CTNND2: variants seen among roughly 807,000 people sequenced by gnomAD.
CTNND2 encodes the protein catenin delta-2.
A neutral mutation model predicts 144.4 loss-of-function variants in CTNND2; 22 were observed. That is an observed-to-expected ratio of 0.15 (90% CI 0.11 to 0.22). CTNND2 has a LOEUF of 0.22. Among genes scored for constraint, CTNND2 ranks in the 10% least tolerant of loss-of-function variants. The probability of loss-of-function intolerance (pLI) is 1.00; values close to 1 mark genes in which losing one functional copy is unlikely to be tolerated. For missense variants in CTNND2, 1,353 were observed against 1,618.8 expected (o/e 0.84, Z 2.82); for synonymous variants, 751 against 695.6 (o/e 1.08, Z -1.25).
chr5:11,296,094 A>G (rs199850241), intron 9 of CTNND2, among the ~76,000 whole-genome samples: 11 of 130,948 alleles, frequency 8.4e-5, no homozygotes, highest in Admixed American at 5.3e-4. Context: ...TCTGACAAGT[A>G]CTAATATCCA....
chr5:11,818,095 G>C (rs1381426389), intron 1 of CTNND2, among the ~76,000 whole-genome samples: 1 of 141,910 alleles, frequency 7.0e-6, no homozygotes, highest in African/African-American at 2.6e-5. Flanking sequence ...TACAACACAT[G>C]CTTACTAATA....
chr5:11,532,343 C>T (rs1773820165), intron 3 of CTNND2, among the ~76,000 whole-genome samples: 1 of 150,040 alleles, frequency 6.7e-6, no homozygotes, highest in Non-Finnish European at 1.5e-5. Context: ...AGAACATCCC[C>T]AATAAACTAT....
intron 3 of CTNND2, among the ~76,000 whole-genome samples, chr5:11,467,290 T>C (rs1766770809): frequency 1.3e-5 from 2 of 152,340 alleles, no homozygotes; most frequent in African/African-American, 2.4e-5. Context: ...GCTTGCTTCA[T>C]CTCTCCTCTT....
At chr5:11,492,443 CTATA>C (rs1769486446) in intron 3 of CTNND2, among the ~76,000 whole-genome samples, 1 of 151,404 alleles carries the variant, frequency 6.6e-6, no homozygotes, top group African/African-American at 2.4e-5. Context: ...GTACATATGT[CTATA>C]TATATGCTTT....
intron 1 of CTNND2, among the ~76,000 whole-genome samples, chr5:11,738,237 A>G (rs1787803368): frequency 6.6e-6 from 1 of 152,218 alleles, no homozygotes; most frequent in Non-Finnish European, 1.5e-5. Flanking sequence ...AAATAAGCCT[A>G]CAGAATAAAA....
At chr5:11,190,336 C>T (rs1736115774) in intron 11 of CTNND2, among the ~76,000 whole-genome samples, 3 of 152,234 alleles carry the variant, frequency 2.0e-5, no homozygotes, top group African/African-American at 7.2e-5. Flanking sequence ...TGAGCTTCTT[C>T]CACTTTGGGA....
At chr5:11,497,897 C>T (rs1770137487) in intron 3 of CTNND2, among the ~76,000 whole-genome samples, 2 of 152,060 alleles carry the variant, frequency 1.3e-5, no homozygotes, top group Admixed American at 6.6e-5. Flanking sequence ...TGTGATTCAG[C>T]CAATGGGATG....
chr5:11,110,656 T>G (rs552409244), intron 14 of CTNND2, among the ~76,000 whole-genome samples: 1 of 152,270 alleles, frequency 6.6e-6, no homozygotes, highest in South Asian at 2.1e-4. Context: ...TTTCCTATCC[T>G]GGCTCAACTG....
chr5:11,260,025 G>A (rs894636849), intron 9 of CTNND2, among the ~76,000 whole-genome samples: 1 of 152,164 alleles, frequency 6.6e-6, no homozygotes, highest in Non-Finnish European at 1.5e-5. Flanking sequence ...ACTTTCCTAT[G>A]CAGCTCTGCA....
chr5:11,003,165 C>T (rs1452427056), intron 18 of CTNND2, among the ~76,000 whole-genome samples: 3 of 152,068 alleles, frequency 2.0e-5, no homozygotes, highest in African/African-American at 7.2e-5. Context: ...CTACAGCCCA[C>T]AAAGCTTGTC....
intron 2 of CTNND2, among the ~76,000 whole-genome samples, chr5:11,582,423 A>C (rs1421721695): frequency 6.6e-6 from 1 of 152,198 alleles, no homozygotes; most frequent in Non-Finnish European, 1.5e-5. Flanking sequence ...AACCAAAACA[A>C]AGAAAGAAAA....
At chr5:11,738,629 T>C (rs570955263) in intron 1 of CTNND2, among the ~76,000 whole-genome samples, 1 of 152,336 alleles carries the variant, frequency 6.6e-6, no homozygotes, top group South Asian at 2.1e-4. Flanking sequence ...TTGTTCTTTC[T>C]TTAGTCACTT....
chr5:11,240,167 C>G (rs528211654), intron 9 of CTNND2, among the ~76,000 whole-genome samples: 1 of 129,506 alleles, frequency 7.7e-6, no homozygotes, highest in Non-Finnish European at 1.7e-5. Context: ...CACACACACA[C>G]CAACACACAC....
intron 16 of CTNND2, among the ~76,000 whole-genome samples, chr5:11,038,648 A>G (rs1031942036): frequency 2.0e-5 from 3 of 152,214 alleles, no homozygotes; most frequent in African/African-American, 7.2e-5. Context: ...AACCTGGAAG[A>G]GGTGAACTTT....
At chr5:11,381,308 C>T (rs1259411851) in intron 7 of CTNND2, among the ~76,000 whole-genome samples, 1 of 152,152 alleles carries the variant, frequency 6.6e-6, no homozygotes, top group African/African-American at 2.4e-5. Flanking sequence ...CAAACTAGAT[C>T]AGAATGCAGT....
chr5:11,620,570 G>A (rs533189540), intron 2 of CTNND2, among the ~76,000 whole-genome samples: 45 of 152,270 alleles, frequency 3.0e-4, no homozygotes, highest in East Asian at 2.7e-3. Context: ...GTGCTTGTCC[G>A]TATAGCCTGG....
chr5:11,772,652 G>A (rs1184208783), intron 1 of CTNND2, among the ~76,000 whole-genome samples: 1 of 152,154 alleles, frequency 6.6e-6, no homozygotes, highest in Non-Finnish European at 1.5e-5. Flanking sequence ...TTTAATTTCA[G>A]AGGAGCAGAC....
chr5:11,295,705 C>A (rs1374398756), intron 9 of CTNND2, among the ~76,000 whole-genome samples: 1 of 152,108 alleles, frequency 6.6e-6, no homozygotes, highest in Non-Finnish European at 1.5e-5. Context: ...TGATCTTTGA[C>A]AAACCTGACA....
intron 5 of CTNND2, among the ~76,000 whole-genome samples, chr5:11,403,025 CT>C (rs1354627162): frequency 7.2e-5 from 11 of 152,136 alleles, no homozygotes; most frequent in African/African-American, 1.7e-4. Context: ...AGTCACTCAA[CT>C]TTTTTTCTTT....
Sources: gnomAD v4.1 joint callset for allele counts (sites outside exome capture counted in the v4.1 genomes callset) on GRCh38, gnomAD v4.1.1 for gene constraint, MANE v1.5 for transcripts, NCBI Gene and HGNC (gene_info 2026-07-23, HGNC 2026-07-21) for gene names.